The following EPG5 variants were observed in gnomAD, a reference collection of about 807,000 sequenced individuals.
EPG5 encodes ectopic P-granules 5 autophagy tethering factor.
Under a neutral mutation model 302.7 loss-of-function variants are expected in EPG5, and 159 were observed. The observed-to-expected ratio is 0.53, with a 90% CI of 0.46 to 0.60. The LOEUF is 0.60. EPG5 is among the 20% of genes least tolerant of loss of function. The pLI is 0.00. For missense variants in EPG5, 2,896 were observed against 3,092.4 expected, an observed-to-expected ratio of 0.94 and a Z score of 1.51; for synonymous variants, 1,158 against 1,136.8, an observed-to-expected ratio of 1.02 and a Z score of -0.37.
At chr18:45,884,436 A>T (rs949511676) in intron 30 of EPG5, among the ~76,000 whole-genome samples, 181 bp downstream of exon 30, 3 of 152,018 alleles carry the variant, frequency 2.0e-5, no homozygotes, top group Admixed American at 2.0e-4. Flanking sequence ...CCAATGCCCC[A>T]CCCCCTAAGA....
intron 27 of EPG5, 119 bp from the exon 28 acceptor site, chr18:45,890,059 A>G: frequency 1.4e-6 from 1 of 730,956 alleles, no homozygotes; most frequent in Non-Finnish European, 2.1e-6. Flanking sequence ...ATCTCTTTAT[A>G]TGACTGCCTT....
At position 45,922,600 on chromosome 18, in the gene EPG5, C is replaced by G; in HGVS notation, c.2839G>C (p.Val947Leu). The G allele has an allele frequency of 6.2e-7, 1 of 1,613,250 alleles. No homozygotes were observed. Among genetic ancestry groups the G allele is most frequent in the Non-Finnish European group, 8.5e-7 (1 of 1,179,492 alleles). The change falls in exon 16 of 44, where the codon GTT (valine) becomes CTT (leucine). Residue 947 changes from valine (V) to leucine (L), a missense_variant and splice_region_variant. Coordinates refer to ENST00000282041, the MANE Select transcript of EPG5 (RefSeq NM_020964.3). ...CGAACAATACTGGCCAAATATGAAA[C>G]CTAAAACAATTATTTATTTTGAGCC... Reference protein sequence around the residue: ...AGILSESMKQVSYLASIVRYG... With the variant: ...AGILSESMKQLSYLASIVRYG...
At chr18:45,882,836 G>A (rs1049936717) in intron 30 of EPG5, among the ~76,000 whole-genome samples, 6 of 151,612 alleles carry the variant, frequency 4.0e-5, no homozygotes, top group East Asian at 1.9e-4. Context: ...GGAGAAATCC[G>A]GTCTCTACTA....
chr18:45,857,329 T>G (rs2048536860), intron 42 of EPG5, among the ~76,000 whole-genome samples: 1 of 152,150 alleles, frequency 6.6e-6, no homozygotes. Flanking sequence ...CAGGCTGGTC[T>G]CGAACTCCTG....
intron 36 of EPG5, 43 bp downstream of exon 36, chr18:45,870,524 G>A (rs755509195): frequency 1.3e-6 from 2 of 1,573,980 alleles, no homozygotes; most frequent in South Asian, 2.3e-5. Flanking sequence ...CTCCCTAGAA[G>A]CCAGATCTCT....
chr18:45,823,604 T>A, the EPG5 span, among the ~76,000 whole-genome samples: 2 of 152,244 alleles, frequency 1.3e-5, no homozygotes, highest in African/African-American at 4.8e-5. Flanking sequence ...AGTATCTTCC[T>A]GAGGATATTA....
chr18:45,863,983 A>G (rs958059654), intron 39 of EPG5, among the ~76,000 whole-genome samples: 1 of 152,120 alleles, frequency 6.6e-6, no homozygotes, highest in Non-Finnish European at 1.5e-5. Flanking sequence ...CAGCCTTGCT[A>G]TCTCTTCAGA....
chr18:45,834,045 G>C, the EPG5 span, among the ~76,000 whole-genome samples: 3 of 152,188 alleles, frequency 2.0e-5, no homozygotes, highest in African/African-American at 4.8e-5. Flanking sequence ...CCTCTATGCT[G>C]ATTGATGTCC....
At chr18:45,953,913 C>A in intron 2 of EPG5, 1 of 985,334 alleles carries the variant, frequency 1.0e-6, no homozygotes. Flanking sequence ...CACTCTCTTC[C>A]CATTGGATGT....
intron 15 of EPG5, among the ~76,000 whole-genome samples, chr18:45,922,846 T>C (rs2050188528): frequency 6.6e-6 from 1 of 152,236 alleles, no homozygotes; most frequent in Non-Finnish European, 1.5e-5. Flanking sequence ...TAAAAGTTGA[T>C]ACTCAATGAA....
chr18:45,962,294 T>C (rs945668436), intron 1 of EPG5, among the ~76,000 whole-genome samples: 1 of 152,130 alleles, frequency 6.6e-6, no homozygotes, highest in African/African-American at 2.4e-5. Context: ...GATTCAAAGG[T>C]TTTTCCTGTG....
intron 27 of EPG5, among the ~76,000 whole-genome samples, chr18:45,893,332 A>AG (rs2049393061): frequency 6.6e-6 from 1 of 152,156 alleles, no homozygotes; most frequent in Non-Finnish European, 1.5e-5. Context: ...TGGGAGGCCA[A>AG]GGTGGGTGGT....
At chr18:45,885,437 C>T (rs941088735) in intron 29 of EPG5, among the ~76,000 whole-genome samples, 4 of 152,122 alleles carry the variant, frequency 2.6e-5, no homozygotes, top group African/African-American at 9.7e-5. Context: ...AATGTCCCCA[C>T]CATGATTACT....
intron 22 of EPG5, among the ~76,000 whole-genome samples, chr18:45,911,076 T>G: frequency 1.0e-5 from 1 of 99,114 alleles, no homozygotes; most frequent in South Asian, 4.1e-4. Flanking sequence ...TCTATCTATC[T>G]ATACACACAC....
At chr18:45,905,700 T>C (rs1015531331) in intron 24 of EPG5, among the ~76,000 whole-genome samples, 1 of 152,126 alleles carries the variant, frequency 6.6e-6, no homozygotes, top group African/African-American at 2.4e-5. Flanking sequence ...CAAGAAATTA[T>C]ACATCAAGCA....
At position 45,866,778 on chromosome 18, in the gene EPG5, T is replaced by C. The variant is rs371591029; in HGVS notation, c.6621+20A>G. 28 of 1,598,436 alleles carry C rather than the reference T, an allele frequency of 1.8e-5. No individual in the cohort carries two copies. In the Admixed American group the frequency reaches 2.5e-4, roughly 14 times the overall value. On this transcript the variant is annotated intron_variant, in intron 38 of 43. Coordinates refer to ENST00000282041, the MANE Select transcript of EPG5 (RefSeq NM_020964.3). ...ATCTCCAGGAACAGTCTCTGCCTTT[T>C]AAACTACCTCTCAACTTACAAGATG...
intron 24 of EPG5, among the ~76,000 whole-genome samples, chr18:45,906,878 A>T (rs763800250): frequency 1.7e-4 from 25 of 151,354 alleles, no homozygotes; most frequent in Admixed American, 6.6e-4. Context: ...CTGGTCTTGA[A>T]CTCCTGGCCT....
chr18:45,865,827 T>C, intron 38 of EPG5, 68 bp from the exon 39 acceptor site: 1 of 1,516,764 alleles, frequency 6.6e-7, no homozygotes, highest in South Asian at 1.2e-5. Flanking sequence ...GCATATTTCC[T>C]GGGAGCATGG....
At chr18:45,938,545 T>C (rs2050589312) in intron 10 of EPG5, among the ~76,000 whole-genome samples, 1 of 152,126 alleles carries the variant, frequency 6.6e-6, no homozygotes, top group Non-Finnish European at 1.5e-5. Context: ...TAAAAGTGGT[T>C]AACACTTAGC....
Sources: allele counts gnomAD v4.1 joint callset (sites outside exome capture counted in the v4.1 genomes callset), GRCh38; gene constraint gnomAD v4.1.1; transcripts MANE v1.5; gene names NCBI Gene and HGNC (gene_info 2026-07-23, HGNC 2026-07-21).